Variants in CD40LG observed in about 807,000 individuals in gnomAD.
The protein encoded by CD40LG is CD40 antigen ligand.
Under a neutral mutation model 17.2 loss-of-function variants are expected in CD40LG, and 1 was observed. The ratio of observed to expected loss-of-function variants is 0.06; its 90% CI spans 0.02 to 0.28. The LOEUF is 0.28. CD40LG is among the 10% of genes least tolerant of loss of function. The pLI is 1.00. For synonymous variants in CD40LG, 66 were observed against 74.4 expected (o/e 0.89, Z 0.58); for missense variants, 133 against 193.2 (o/e 0.69, Z 1.85).
chrX:136,650,205 T>G, intron 1 of CD40LG, 61 bp from the exon 2 acceptor site: 2 of 861,575 alleles, frequency 2.3e-6, no homozygotes, highest in South Asian at 4.1e-5. Context: ...TAGAGGCAGA[T>G]ATCATTAGCT....
At chrX:136,654,242 T>C in intron 2 of CD40LG, 131 bp from the exon 3 acceptor site, 1 of 543,876 alleles carries the variant, frequency 1.8e-6, no homozygotes, top group Non-Finnish European at 3.3e-6. Context: ...AATGACAGGA[T>C]CTGAGTCTAT....
chrX:136,648,530 GTTGCC>G (rs1231955531), intron 1 of CD40LG, 126 bp downstream of exon 1: 6 of 637,251 alleles, frequency 9.4e-6, no homozygotes, highest in Non-Finnish European at 1.5e-5. Flanking sequence ...CATAATGTTT[GTTGCC>G]TAGTCAATGA....
rs779460863 is a variant in CD40LG at position 136,648,287 on chromosome X, G to A, written c.39G>A (p.Ala13=). Residue 13 remains alanine, a synonymous_variant, in exon 1 of 5, where the codon GCG becomes GCA. Coordinates refer to ENST00000370629, the MANE Select transcript of CD40LG (RefSeq NM_000074.3). ...ACAACCAAACTTCTCCCCGATCTGC[G>A]GCCACTGGACTGCCCATCAGCATGA... ...ETYNQTSPRS[A]ATGLPISMKI... 3.2e-5 allele frequency: 38 copies of A among 1,200,025 alleles called. No individual in the cohort carries two copies. The highest frequency in any genetic ancestry group is 1.1e-4 in the Admixed American group (5 of 45,638).
rs186798903 is a variant in CD40LG, at chrX:136,656,935, C to T, written c.409+517C>T. Among the ~76,000 whole-genome samples the T allele has an allele frequency of 5.5e-4, 62 of 112,314 alleles. No individual in the cohort carries two copies. In the East Asian group the frequency reaches 8.7e-3, roughly 16 times the overall value. On this transcript the variant is annotated intron_variant, in intron 4 of 4. Coordinates refer to ENST00000370629, the MANE Select transcript of CD40LG (RefSeq NM_000074.3). ...CATTTTCCAATGAAGTAACAACAGA[C>T]GACATATTGTGATCTTTTCAACTCT...
rs1206969493 is a variant in CD40LG at position 136,659,030 on chromosome X, T to C, written c.410-9T>C. On this transcript the variant is annotated splice_polypyrimidine_tract_variant and intron_variant, in intron 4 of 4. Coordinates refer to ENST00000370629, the MANE Select transcript of CD40LG (RefSeq NM_000074.3). Reference sequence around the variant, plus strand: ...ACCTCACCACAAACTTTCCCTTTCTTTGTAACAGTGTTACAGTGGGCTGAA... The same window carrying C: ...ACCTCACCACAAACTTTCCCTTTCTCTGTAACAGTGTTACAGTGGGCTGAA... 1 of 1,209,800 alleles carries C rather than the reference T, an allele frequency of 8.3e-7. No homozygotes were observed.
Position 136,659,677 on chromosome X carries a change from A to C in CD40LG, c.*262A>C. 2.6e-6 allele frequency: 1 copy of C among 381,948 alleles called. No individual in the cohort carries two copies. Among genetic ancestry groups the C allele is most frequent in the East Asian group, 4.2e-5 (1 of 24,042 alleles). The allele number at this position is 381,948 out of a possible 1,213,427, so 31.5% of individuals were successfully genotyped here. ...CTGATGCAGACATCCAGAGAGTCCT[A>C]TGAAAAGACAAGGCCATTATGCACA... On this transcript the variant is annotated 3_prime_UTR_variant, in exon 5 of 5. Coordinates refer to ENST00000370629, the MANE Select transcript of CD40LG (RefSeq NM_000074.3).
chrX:136,654,031 A>G (rs1345737376), intron 2 of CD40LG, among the ~76,000 whole-genome samples: 2 of 112,138 alleles, frequency 1.8e-5, no homozygotes, highest in Non-Finnish European at 1.9e-5. Context: ...TCATCTCCCC[A>G]TTCGGCATTA....
intron 4 of CD40LG, among the ~76,000 whole-genome samples, chrX:136,656,895 G>A (rs886722776): frequency 8.9e-6 from 1 of 112,003 alleles, no homozygotes; most frequent in Non-Finnish European, 1.9e-5. Context: ...AAGATCAATA[G>A]GTCCCAAGAC....
At chrX:136,658,694 CCTT>C (rs2076125596) in intron 4 of CD40LG, among the ~76,000 whole-genome samples, 1 of 111,897 alleles carries the variant, frequency 8.9e-6, no homozygotes, top group African/African-American at 3.3e-5. Context: ...ATCATTTGTG[CCTT>C]CTTAAGTTCA....
intron 2 of CD40LG, among the ~76,000 whole-genome samples, chrX:136,653,788 C>T (rs1226135717): frequency 2.7e-5 from 3 of 112,270 alleles, no homozygotes; most frequent in Non-Finnish European, 5.6e-5. Context: ...TTCCGAAATG[C>T]TGATTATTCT....
chrX:136,648,224 G>T lies in CD40LG; in HGVS notation c.-25G>T. The T allele has an allele frequency of 2.5e-6, 3 of 1,178,910 alleles. No homozygotes were observed. Among genetic ancestry groups the T allele is most frequent in the Non-Finnish European group, 3.5e-6 (3 of 866,151 alleles). ...GCCTCTGCCACCTTCTCTGCCAGAAGATACCATTTCAACTTTAACACAGCA... is the reference window on the plus strand; with the variant it reads ...GCCTCTGCCACCTTCTCTGCCAGAATATACCATTTCAACTTTAACACAGCA... On this transcript the variant is annotated 5_prime_UTR_variant, in exon 1 of 5. Transcript: ENST00000370629.
In CD40LG at chrX:136,659,596, G is replaced by A. The variant is rs559091456; in HGVS notation, c.*181G>A. The stretch of plus-strand genomic sequence containing the variant: ...GTAATAAGTGAATTACAGGTCACAT[G>A]AAACCAAAACGGGCCCTGCTCCATA... On this transcript the variant is annotated 3_prime_UTR_variant, in exon 5 of 5. Transcript: ENST00000370629. 4.1e-6 allele frequency: 2 copies of A among 488,033 alleles called. No homozygotes were observed. Among genetic ancestry groups the A allele is most frequent in the South Asian group, 6.9e-5 (2 of 28,831 alleles). The allele number at this position is 488,033 out of a possible 1,213,427, so 40.2% of individuals were successfully genotyped here. A position where few individuals can be genotyped will look rare whatever the true frequency, so the allele number is the denominator to read the frequency against.
intron 4 of CD40LG, 115 bp from the exon 5 acceptor site, chrX:136,658,924 C>T (rs961991659): frequency 8.4e-5 from 69 of 823,318 alleles, no homozygotes; most frequent in Non-Finnish European, 1.2e-4. Context: ...TGGAAGGGGC[C>T]TTGAGAATCC....
chrX:136,650,225 T>C (rs1240466338), intron 1 of CD40LG, 41 bp from the exon 2 acceptor site: 1 of 1,077,087 alleles, frequency 9.3e-7, no homozygotes, highest in South Asian at 1.9e-5. Context: ...TGTATTCTCC[T>C]TCCGAATGAC....
chrX:136,655,483 G>A (rs1603320944), intron 3 of CD40LG, among the ~76,000 whole-genome samples: 1 of 112,067 alleles, frequency 8.9e-6, no homozygotes, highest in Non-Finnish European at 1.9e-5. Flanking sequence ...TCACAAAGTT[G>A]GTGAACATGA....
At chrX:136,652,399 T>A (rs1453213532) in intron 2 of CD40LG, among the ~76,000 whole-genome samples, 1 of 112,080 alleles carries the variant, frequency 8.9e-6, no homozygotes, top group Non-Finnish European at 1.9e-5. Context: ...GATTCATATT[T>A]TCTTAGCTAA....
intron 2 of CD40LG, among the ~76,000 whole-genome samples, chrX:136,652,342 G>C (rs1305255492): frequency 9.0e-6 from 1 of 111,561 alleles, no homozygotes; most frequent in African/African-American, 3.3e-5. Context: ...CAAAATTCGA[G>C]ACTTTGAAAA....
At chrX:136,654,246 A>G (rs1312178434) in intron 2 of CD40LG, 127 bp from the exon 3 acceptor site, 2 of 548,776 alleles carry the variant, frequency 3.6e-6, no homozygotes, top group Non-Finnish European at 6.4e-6. Flanking sequence ...ACAGGATCTG[A>G]GTCTATATGA....
intron 2 of CD40LG, among the ~76,000 whole-genome samples, chrX:136,654,063 C>G (rs2076112055): frequency 9.0e-6 from 1 of 111,645 alleles, no homozygotes; most frequent in South Asian, 3.8e-4. Context: ...CTGTCAAAGC[C>G]AAGGAGGTTG....
Sources: allele counts gnomAD v4.1 joint callset (sites outside exome capture counted in the v4.1 genomes callset), GRCh38; gene constraint gnomAD v4.1.1; transcripts MANE v1.5; gene names NCBI Gene and HGNC (gene_info 2026-07-23, HGNC 2026-07-21).